Variants in KCNQ1OT1 observed in about 807,000 individuals in gnomAD.
KCNQ1OT1 encodes KCNQ1 antisense RNA 2 (non-protein coding).
exon 1 of KCNQ1OT1, chr11:2,662,941 G>A (rs886304070): frequency 1.6e-4 from 62 of 398,654 alleles, no homozygotes; most frequent in African/African-American, 9.8e-4. Flanking sequence ...TGTCTTTGTC[G>A]TAGTGAGGCC....
rs372887391 is a variant in KCNQ1OT1, at chr11:2,698,995, A to G, written n.1000T>C. 2.5e-6 allele frequency: 1 copy of G among 398,624 alleles called. No individual in the cohort carries two copies. The highest frequency in any genetic ancestry group is 4.4e-6 in the Non-Finnish European group (1 of 226,058). The allele number at this position is 398,624 out of a possible 1,614,324, so 24.7% of individuals were successfully genotyped here. On this transcript the variant is annotated non_coding_transcript_exon_variant, in exon 1 of 1. Transcript: ENST00000597346. This position sits in a 1 kb window ranked among gnomAD's most constrained non-coding sequence, Gnocchi z 5.1. ...AACGGGGATTCCCACCTCCGATCCT[A>G]ATTCGGGCCCTGACTCAGAACCACT...
chr11:2,671,019 C>G lies in KCNQ1OT1; in HGVS notation n.28976G>C, dbSNP rs231360. ...GATATGTGGGCCCTGTTAGGGACAA[C>G]GTAGGTGTCCTGGGCAGGGGCTGTA... On this transcript the variant is annotated non_coding_transcript_exon_variant, in exon 1 of 1. Transcript: ENST00000597346. The surrounding 1 kb of genome is among the most constrained non-coding windows in gnomAD (Gnocchi z 4.7). The G allele has an allele frequency of 2.5e-6, 1 of 398,242 alleles. No homozygotes were observed. Among genetic ancestry groups the G allele is most frequent in the African/African-American group, 2.1e-5 (1 of 48,516 alleles). The allele number at this position is 398,242 out of a possible 1,614,324, so 24.7% of individuals were successfully genotyped here. A position where few individuals can be genotyped will look rare whatever the true frequency, so the allele number is the denominator to read the frequency against.
At chr11:2,638,113 G>T (rs1485895463) in exon 1 of KCNQ1OT1, 1 of 152,140 alleles carries the variant, frequency 6.6e-6, no homozygotes, top group Admixed American at 6.5e-5. Context: ...GCACACTGAT[G>T]GGTCTTGACT....
chr11:2,629,817 T>C (rs1021934871), exon 1 of KCNQ1OT1: 3 of 393,778 alleles, frequency 7.6e-6, no homozygotes, highest in African/African-American at 6.2e-5. Flanking sequence ...TTCTAACAGG[T>C]TTTTTTTGTG....
chr11:2,662,340 C>A, exon 1 of KCNQ1OT1: 1 of 574,336 alleles, frequency 1.7e-6, no homozygotes, highest in Non-Finnish European at 3.1e-6. Context: ...CACTTGTTTT[C>A]ATGCTTTGAG....
At chr11:2,638,030 G>C (rs994465765) in exon 1 of KCNQ1OT1, 3 of 152,094 alleles carry the variant, frequency 2.0e-5, no homozygotes, top group African/African-American at 7.2e-5. Flanking sequence ...CCATTTGCTT[G>C]GTAGATCTTC....
chr11:2,656,538 C>G (rs941998485), exon 1 of KCNQ1OT1: 1 of 398,560 alleles, frequency 2.5e-6, no homozygotes. Context: ...GCTAGTCAGG[C>G]GCAACACCTT....
At position 2,671,216 on chromosome 11, in the gene KCNQ1OT1, G is replaced by A. The variant is rs2133868594; in HGVS notation, n.28779C>T. On this transcript the variant is annotated non_coding_transcript_exon_variant, in exon 1 of 1. Transcript: ENST00000597346. The surrounding 1 kb of genome is among the most constrained non-coding windows in gnomAD (Gnocchi z 4.7). ...GAAAAATAAAAGGTAGAGAGACAGA[G>A]GTAGACAGGAGTCCAGGTCTGACCT... The A allele has an allele frequency of 2.5e-6, 1 of 398,614 alleles. No individual in the cohort carries two copies. The highest frequency in any genetic ancestry group is 4.4e-6 in the Non-Finnish European group (1 of 226,086). 24.7% of individuals were successfully genotyped at this position (398,614 alleles called of 1,614,324 possible).
chr11:2,653,131 A>C lies in KCNQ1OT1; in HGVS notation n.46864T>G. 1 of 398,768 alleles carries C rather than the reference A, an allele frequency of 2.5e-6. No homozygotes were observed. The highest frequency in any genetic ancestry group is 2.0e-5 in the African/African-American group (1 of 48,784). 24.7% of individuals were successfully genotyped at this position (398,768 alleles called of 1,614,324 possible). ...AAGGTTTGGGGAGATGAGGACTTGC[A>C]TCACAGCAGTAGAAAGCCAATGTCC... is the stretch of plus-strand genomic sequence containing the variant. On this transcript the variant is annotated non_coding_transcript_exon_variant, in exon 1 of 1. Coordinates refer to ENST00000597346, the Ensembl canonical transcript of KCNQ1OT1. This position sits in a 1 kb window ranked among gnomAD's most constrained non-coding sequence, Gnocchi z 5.3.
exon 1 of KCNQ1OT1, chr11:2,684,241 T>C: frequency 2.5e-6 from 1 of 398,632 alleles, no homozygotes. Context: ...CCCTACCCAG[T>C]ACCTTCTGGG....
rs1849163835 is a variant in KCNQ1OT1, at chr11:2,621,073, G to T, written n.78922C>A. Reference sequence around the variant, plus strand: ...GCTCACTGCAACCTCCACCTCCTGGGTTCAAGCAATTCTCCTGTCTCAGAC... The same window carrying T: ...GCTCACTGCAACCTCCACCTCCTGGTTTCAAGCAATTCTCCTGTCTCAGAC... On this transcript the variant is annotated non_coding_transcript_exon_variant, in exon 1 of 1. Transcript: ENST00000597346. The surrounding 1 kb of genome is among the most constrained non-coding windows in gnomAD (Gnocchi z 5.7). 2.5e-6 allele frequency: 1 copy of T among 397,036 alleles called. No homozygotes were observed. Among genetic ancestry groups the T allele is most frequent in the Non-Finnish European group, 4.4e-6 (1 of 225,792 alleles). 24.6% of individuals were successfully genotyped at this position (397,036 alleles called of 1,614,324 possible).
At position 2,678,208 on chromosome 11, in the gene KCNQ1OT1, G is replaced by A. The variant is rs2133876995; in HGVS notation, n.21787C>T. On this transcript the variant is annotated non_coding_transcript_exon_variant, in exon 1 of 1. Transcript: ENST00000597346. The surrounding 1 kb of genome is among the most constrained non-coding windows in gnomAD (Gnocchi z 4.9). ...GAATTTTTTTAATTTCACATAGTCA[G>A]CTGTGTCAGTCTTTTATGGTTTGAG... 2.5e-6 allele frequency: 1 copy of A among 398,274 alleles called. No homozygotes were observed. The highest frequency in any genetic ancestry group is 4.4e-6 in the Non-Finnish European group (1 of 225,950). The allele number at this position is 398,274 out of a possible 1,614,324, so 24.7% of individuals were successfully genotyped here.
chr11:2,623,678 G>C lies in KCNQ1OT1; in HGVS notation n.76317C>G, dbSNP rs1849212966. ...TTATCTGTCTACTCACCTATGGAAG[G>C]ACATCTCGGTTGCTTCCAATTTCAA... On this transcript the variant is annotated non_coding_transcript_exon_variant, in exon 1 of 1. Transcript: ENST00000597346. This position sits in a 1 kb window ranked among gnomAD's most constrained non-coding sequence, Gnocchi z 5.2. The C allele has an allele frequency of 1.0e-5, 4 of 398,482 alleles. No homozygotes were observed. In the East Asian group the frequency reaches 1.4e-4, roughly 14 times the overall value. The allele number at this position is 398,482 out of a possible 1,614,324, so 24.7% of individuals were successfully genotyped here.
Position 2,658,173 on chromosome 11 carries a change from C to T in KCNQ1OT1, n.41822G>A, listed in dbSNP as rs940462109. ...ATTAAAATACATTTCAAGGAAGAAA[C>T]TGTGAAGTTTCTGAGTTTCACTAAC... is the stretch of plus-strand genomic sequence containing the variant. On this transcript the variant is annotated non_coding_transcript_exon_variant, in exon 1 of 1. Coordinates refer to ENST00000597346, the Ensembl canonical transcript of KCNQ1OT1. The surrounding 1 kb of genome is among the most constrained non-coding windows in gnomAD (Gnocchi z 4.9). 5 of 398,464 alleles carry T rather than the reference C, an allele frequency of 1.3e-5. No homozygotes were observed. Among genetic ancestry groups the T allele is most frequent in the African/African-American group, 2.1e-5 (1 of 48,616 alleles). 24.7% of individuals were successfully genotyped at this position (398,464 alleles called of 1,614,324 possible). A position where few individuals can be genotyped will look rare whatever the true frequency, so the allele number is the denominator to read the frequency against.
rs143915359 is a variant in KCNQ1OT1, at chr11:2,621,127, G to A, written n.78868C>T. The stretch of plus-strand genomic sequence containing the variant: ...TGAGTAGCTGGGATTACAGGTGACC[G>A]CCACCATACCTGGCTAATTTTTGTG... On this transcript the variant is annotated non_coding_transcript_exon_variant, in exon 1 of 1. Coordinates refer to ENST00000597346, the Ensembl canonical transcript of KCNQ1OT1. The surrounding 1 kb of genome is among the most constrained non-coding windows in gnomAD (Gnocchi z 5.7). 1,091 of 396,578 alleles carry A rather than the reference G, an allele frequency of 2.8e-3. 12 individuals carry two copies. The highest frequency in any genetic ancestry group is 0.019 in the African/African-American group (912 of 48,610). The allele number at this position is 396,578 out of a possible 1,614,324, so 24.6% of individuals were successfully genotyped here. A position where few individuals can be genotyped will look rare whatever the true frequency, so the allele number is the denominator to read the frequency against.
chr11:2,635,935 C>T (rs1270073597), exon 1 of KCNQ1OT1: 2 of 152,118 alleles, frequency 1.3e-5, no homozygotes, highest in South Asian at 2.1e-4. Context: ...ATTTTATTCT[C>T]TTTGAAGCAA....
Position 2,645,516 on chromosome 11 carries a change from G to A in KCNQ1OT1, n.54479C>T. 5.0e-6 allele frequency: 2 copies of A among 398,800 alleles called. No homozygotes were observed. The highest frequency in any genetic ancestry group is 8.8e-6 in the Non-Finnish European group (2 of 226,210). The allele number at this position is 398,800 out of a possible 1,614,324, so 24.7% of individuals were successfully genotyped here. On this transcript the variant is annotated non_coding_transcript_exon_variant, in exon 1 of 1. Transcript: ENST00000597346. The surrounding 1 kb of genome is among the most constrained non-coding windows in gnomAD (Gnocchi z 5.8). ...TTGGGGCAGCAGCAACTCTATTGCA[G>A]CCCTACTCCTGGGGAAGTTGAGTGG...
chr11:2,695,402 TAC>T lies in KCNQ1OT1; in HGVS notation n.4591_4592del, dbSNP rs1451962230. On this transcript the variant is annotated non_coding_transcript_exon_variant, in exon 1 of 1. Coordinates refer to ENST00000597346, the Ensembl canonical transcript of KCNQ1OT1. The surrounding 1 kb of genome is among the most constrained non-coding windows in gnomAD (Gnocchi z 5.2). ...GGGTGGTGTGTAATTTTAATTTAAATACACAGTCATGTACTGAGGCCCTCTTT... is the reference window on the plus strand; with the variant it reads ...GGGTGGTGTGTAATTTTAATTTAAATACAGTCATGTACTGAGGCCCTCTTT... 7.5e-6 allele frequency: 3 copies of T among 398,496 alleles called. No homozygotes were observed. Among genetic ancestry groups the T allele is most frequent in the Middle Eastern group, 6.2e-4 (1 of 1,610 alleles). 24.7% of individuals were successfully genotyped at this position (398,496 alleles called of 1,614,324 possible). A position where few individuals can be genotyped will look rare whatever the true frequency, so the allele number is the denominator to read the frequency against.
rs1850503019 is a variant in KCNQ1OT1, at chr11:2,687,119, C to T, written n.12876G>A. 5.0e-6 allele frequency: 2 copies of T among 398,528 alleles called. No individual in the cohort carries two copies. Among genetic ancestry groups the T allele is most frequent in the African/African-American group, 4.1e-5 (2 of 48,632 alleles). 24.7% of individuals were successfully genotyped at this position (398,528 alleles called of 1,614,324 possible). A position where few individuals can be genotyped will look rare whatever the true frequency, so the allele number is the denominator to read the frequency against. On this transcript the variant is annotated non_coding_transcript_exon_variant, in exon 1 of 1. Coordinates refer to ENST00000597346, the Ensembl canonical transcript of KCNQ1OT1. The surrounding 1 kb of genome is among the most constrained non-coding windows in gnomAD (Gnocchi z 5.0). ...TGACAAGTACACCTTGACACACAAA[C>T]TGCACAGGGAGGGGAGGAATCTGAG...
Sources: allele counts gnomAD v4.1 joint callset, GRCh38; gene constraint gnomAD v4.1.1; non-coding constraint Gnocchi (gnomAD v3.1); transcripts MANE v1.5; gene names NCBI Gene and HGNC (gene_info 2026-07-23, HGNC 2026-07-21).